The following SH2D4B variants were observed in gnomAD, a reference collection of about 807,000 sequenced individuals.
SH2D4B encodes SH2 domain containing 4B.
A neutral mutation model predicts 61.5 loss-of-function variants in SH2D4B; 45 were observed. The observed-to-expected ratio is 0.73, with a 90% CI of 0.58 to 0.94. The LOEUF is 0.94. SH2D4B is among the 40% of genes least tolerant of loss of function. SH2D4B has a pLI of 0.00. For missense variants in SH2D4B, 572 were observed against 574.2 expected (o/e 1.00, Z 0.04); for synonymous variants, 224 against 220.4 (o/e 1.02, Z -0.14).
chr10:80,634,257 T>TAAAAAA, intron 6 of SH2D4B, 28 bp from the exon 7 acceptor site: 1 of 1,484,396 alleles, frequency 6.7e-7, no homozygotes, highest in East Asian at 2.5e-5. Context: ...CCTGCTGTGT[T>TAAAAAA]TTTTTGTTTT....
chr10:80,608,982 G>A (rs929310722), intron 5 of SH2D4B, among the ~76,000 whole-genome samples: 1 of 152,158 alleles, frequency 6.6e-6, no homozygotes, highest in Non-Finnish European at 1.5e-5. Flanking sequence ...AAGGGGATGA[G>A]ACACGCTCAT....
intron 7 of SH2D4B, among the ~76,000 whole-genome samples, chr10:80,637,574 G>C (rs1840206132): frequency 6.6e-6 from 1 of 152,074 alleles, no homozygotes; most frequent in South Asian, 2.1e-4. Flanking sequence ...CTCATGATTT[G>C]GCTCTCTGTT....
At chr10:80,614,385 T>G (rs1842636238) in intron 6 of SH2D4B, among the ~76,000 whole-genome samples, 2 of 152,248 alleles carry the variant, frequency 1.3e-5, no homozygotes, top group Middle Eastern at 3.4e-3. Flanking sequence ...TCATGAGAAC[T>G]CACTCACTGT....
chr10:80,541,750 G>A (rs1589327344), intron 1 of SH2D4B, among the ~76,000 whole-genome samples: 2 of 152,240 alleles, frequency 1.3e-5, no homozygotes, highest in East Asian at 3.9e-4. Context: ...GTGAGGGTGC[G>A]AGTAAACACT....
chr10:80,643,584 C>G (rs759329592), intron 7 of SH2D4B, among the ~76,000 whole-genome samples: 2 of 151,914 alleles, frequency 1.3e-5, no homozygotes, highest in Non-Finnish European at 2.9e-5. Flanking sequence ...GTGGGACTGT[C>G]TGAACTTTTT....
chr10:80,578,250 T>C (rs1263698699), intron 3 of SH2D4B, among the ~76,000 whole-genome samples: 1 of 152,224 alleles, frequency 6.6e-6, no homozygotes, highest in Non-Finnish European at 1.5e-5. Flanking sequence ...TAATTTTTAC[T>C]GTGTCTTTCA....
chr10:80,562,927 A>T, intron 1 of SH2D4B, among the ~76,000 whole-genome samples: 1 of 100,488 alleles, frequency 1.0e-5, no homozygotes, highest in African/African-American at 3.9e-5. Context: ...TTTGAGACGG[A>T]GTCTCGCTCT....
intron 6 of SH2D4B, among the ~76,000 whole-genome samples, chr10:80,629,036 A>AG (rs1554818358): frequency 4.8e-5 from 7 of 144,878 alleles, no homozygotes; most frequent in African/African-American, 1.3e-4. Context: ...TCTCAAAAAA[A>AG]AAAAAGAAAA....
chr10:80,638,497 T>A (rs1375137800), intron 7 of SH2D4B, among the ~76,000 whole-genome samples: 2 of 152,236 alleles, frequency 1.3e-5, no homozygotes, highest in African/African-American at 4.8e-5. Context: ...ATTCAACTTC[T>A]TCCTGGTTTA....
Position 80,644,486 on chromosome 10 carries a change from A to G in SH2D4B, c.*401A>G, listed in dbSNP as rs2132170224. On this transcript the variant is annotated 3_prime_UTR_variant, in exon 8 of 8. Coordinates refer to ENST00000646907, the MANE Select transcript of SH2D4B (RefSeq NM_001388272.1). ...GTTGAATGAATGCATGTCTTCTAAA[A>G]GTTTTCCAACACAAATTAGCAGTGG... is the stretch of plus-strand genomic sequence containing the variant. The G allele has an allele frequency of 6.3e-6, 1 of 159,362 alleles. No individual in the cohort carries two copies. The highest frequency in any genetic ancestry group is 2.0e-4 in the South Asian group (1 of 4,926). 9.9% of individuals were successfully genotyped at this position (159,362 alleles called of 1,614,324 possible).
intron 5 of SH2D4B, among the ~76,000 whole-genome samples, chr10:80,607,908 T>C (rs531861603): frequency 4.5e-4 from 68 of 152,150 alleles, no homozygotes; most frequent in Non-Finnish European, 8.5e-4. Context: ...ATTGTTATTA[T>C]TATTTTGAGA....
At chr10:80,606,666 A>G (rs573357460) in intron 5 of SH2D4B, among the ~76,000 whole-genome samples, 1 of 152,260 alleles carries the variant, frequency 6.6e-6, no homozygotes, top group East Asian at 1.9e-4. Flanking sequence ...TTATCTTTTA[A>G]TGATGGCTGT....
intron 3 of SH2D4B, among the ~76,000 whole-genome samples, chr10:80,583,922 A>T (rs1842214213): frequency 6.6e-6 from 1 of 152,242 alleles, no homozygotes; most frequent in Non-Finnish European, 1.5e-5. Context: ...ACATCATATT[A>T]AAAAGTTCAG....
chr10:80,584,223 G>A (rs575176906), intron 3 of SH2D4B, among the ~76,000 whole-genome samples: 2 of 152,284 alleles, frequency 1.3e-5, no homozygotes, highest in African/African-American at 4.8e-5. Flanking sequence ...AAAGAAACAG[G>A]GGCTCCAACT....
intron 4 of SH2D4B, among the ~76,000 whole-genome samples, chr10:80,592,145 T>C (rs1009745257): frequency 2.0e-5 from 3 of 152,244 alleles, no homozygotes; most frequent in Admixed American, 2.0e-4. Context: ...TGACTAATGA[T>C]GTTGAACATT....
At chr10:80,629,793 A>G (rs1404007010) in intron 6 of SH2D4B, among the ~76,000 whole-genome samples, 1 of 152,230 alleles carries the variant, frequency 6.6e-6, no homozygotes, top group Non-Finnish European at 1.5e-5. Flanking sequence ...ATTAATATCA[A>G]TACCACTTAA....
At chr10:80,641,516 G>C (rs536585692) in intron 7 of SH2D4B, among the ~76,000 whole-genome samples, 2 of 152,332 alleles carry the variant, frequency 1.3e-5, no homozygotes, top group South Asian at 2.1e-4. Flanking sequence ...GCCTGAGGGA[G>C]GCATCTTAAC....
intron 5 of SH2D4B, among the ~76,000 whole-genome samples, chr10:80,604,942 C>T (rs56252391): frequency 0.029 from 4,347 of 152,088 alleles, 210 homozygotes; most frequent in African/African-American, 0.099. Flanking sequence ...TATAGGTGCC[C>T]GCCACCACAC....
intron 6 of SH2D4B, among the ~76,000 whole-genome samples, chr10:80,611,797 TTTA>T (rs974094797): frequency 2.0e-5 from 3 of 151,400 alleles, no homozygotes; most frequent in African/African-American, 7.4e-5. Context: ...TTTTTTTTTT[TTTA>T]AAAGGTAACT....
Sources: allele counts gnomAD v4.1 joint callset (sites outside exome capture counted in the v4.1 genomes callset), GRCh38; gene constraint gnomAD v4.1.1; transcripts MANE v1.5; gene names NCBI Gene and HGNC (gene_info 2026-07-23, HGNC 2026-07-21).